The following CANX variants were observed in gnomAD, a reference collection of about 807,000 sequenced individuals.
The protein encoded by CANX is calnexin, also known as epididymis secretory sperm binding protein.
In CANX, 14 loss-of-function variants were observed where a neutral mutation model predicts 75.7. The observed-to-expected ratio is 0.19, with a 90% CI of 0.12 to 0.29. The LOEUF is 0.29. Ranked by LOEUF, CANX falls within the 10% of genes least tolerant of loss-of-function variation. The probability of loss-of-function intolerance (pLI) is 1.00; values close to 1 mark genes in which losing one functional copy is unlikely to be tolerated. For missense variants in CANX, 567 were observed against 713.2 expected, an observed-to-expected ratio of 0.79 and a Z score of 2.34; for synonymous variants, 227 against 236.9, an observed-to-expected ratio of 0.96 and a Z score of 0.38.
chr5:179,695,223 G>T (rs66902084), upstream of CANX, among the ~76,000 whole-genome samples: 29,906 of 151,534 alleles, frequency 0.2, 3,694 homozygotes, highest in Non-Finnish European at 0.28. Flanking sequence ...TAATTTTTTT[G>T]TGTGTGTGGT....
intron 8 of CANX, among the ~76,000 whole-genome samples, chr5:179,718,327 C>A (rs543117225): frequency 2.6e-5 from 4 of 152,000 alleles, no homozygotes; most frequent in Admixed American, 2.6e-4. Flanking sequence ...CAAGCGTGCA[C>A]CACTGCACTC....
chr5:179,683,697 C>A (rs1776130220), intron 1 of CANX, among the ~76,000 whole-genome samples: 1 of 151,542 alleles, frequency 6.6e-6, no homozygotes, highest in South Asian at 2.1e-4. Flanking sequence ...CCACACCCAG[C>A]TAATTTTTGT....
chr5:179,680,888 G>C, intron 1 of CANX: 1 of 1,536,852 alleles, frequency 6.5e-7, no homozygotes, highest in Non-Finnish European at 8.7e-7. Context: ...CCAAGATCTG[G>C]TTCAGGGAGA....
At chr5:179,715,892 T>C in intron 7 of CANX, 1 of 632,406 alleles carries the variant, frequency 1.6e-6, no homozygotes, top group Non-Finnish European at 2.9e-6. Flanking sequence ...TTTGCTGTAA[T>C]TCTTAGAAAG....
chr5:179,679,364 G>C (rs1581808107), intron 1 of CANX: 1 of 1,056,170 alleles, frequency 9.5e-7, no homozygotes, highest in East Asian at 2.6e-5. Context: ...CTACGGCTGC[G>C]GCTGTGTCTC....
At chr5:179,681,298 A>G (rs1035592818) in intron 1 of CANX, among the ~76,000 whole-genome samples, 1 of 152,206 alleles carries the variant, frequency 6.6e-6, no homozygotes, top group African/African-American at 2.4e-5. Context: ...AGTCCAAGAC[A>G]GGAATTTGTT....
intron 1 of CANX, among the ~76,000 whole-genome samples, chr5:179,701,956 G>T (rs376321939): frequency 2.1e-4 from 32 of 151,928 alleles, no homozygotes; most frequent in African/African-American, 6.0e-4. Flanking sequence ...GTCCAGGCTG[G>T]TTGCGAACTC....
intron 1 of CANX, among the ~76,000 whole-genome samples, chr5:179,691,445 G>A (rs949313080): frequency 2.0e-5 from 3 of 152,054 alleles, no homozygotes; most frequent in African/African-American, 2.4e-5. Flanking sequence ...AGTGCTTCAT[G>A]CCTGTAATCC....
chr5:179,682,476 C>T (rs1326330189), intron 1 of CANX, among the ~76,000 whole-genome samples: 1 of 151,470 alleles, frequency 6.6e-6, no homozygotes, highest in Non-Finnish European at 1.5e-5. Context: ...CTTGGGAGGC[C>T]GAGGCAGGCA....
In CANX at chr5:179,730,989, G is replaced by A. The variant is rs1016549410; in HGVS notation, c.*2345G>A. Reference sequence around the variant, plus strand: ...GTGTGTGTGACTATGTTCAATTAGTGGGTTGATCTTCGTATAATTGGCCAC... The same window carrying A: ...GTGTGTGTGACTATGTTCAATTAGTAGGTTGATCTTCGTATAATTGGCCAC... On this transcript the variant is annotated 3_prime_UTR_variant, in exon 15 of 15. Transcript: ENST00000247461. 39 of 152,318 alleles carry A rather than the reference G, an allele frequency of 2.6e-4. No homozygotes were observed. Among genetic ancestry groups the A allele is most frequent in the African/African-American group, 7.7e-4 (32 of 41,580 alleles). 9.4% of individuals were successfully genotyped at this position (152,318 alleles called of 1,614,324 possible). A position where few individuals can be genotyped will look rare whatever the true frequency, so the allele number is the denominator to read the frequency against.
chr5:179,710,568 C>T (rs1374080161), intron 7 of CANX, among the ~76,000 whole-genome samples: 5 of 149,906 alleles, frequency 3.3e-5, no homozygotes, highest in East Asian at 2.0e-4. Context: ...ATTAGCCGGG[C>T]GTGGTGGTGG....
intron 7 of CANX, 42 bp from the exon 8 acceptor site, chr5:179,716,063 G>C (rs747587964): frequency 3.6e-6 from 5 of 1,379,140 alleles, no homozygotes; most frequent in Non-Finnish European, 5.2e-6. Flanking sequence ...AAGGGAGCTT[G>C]GAAAATTAAG....
rs78613293 is a variant in CANX, at chr5:179,678,674, G to C, written c.-107G>C. On this transcript the variant is annotated 5_prime_UTR_variant, in exon 1 of 15. Transcript: ENST00000681674. ...CATCTTCCTCTGCCCGGCGCGCGCC[G>C]CAGCCGTCGGGATCACCTCGGGGTT... is the stretch of plus-strand genomic sequence containing the variant. The C allele has an allele frequency of 0.012, 18,211 of 1,535,612 alleles. 1,697 individuals carry two copies. The African/African-American group carries it at 0.21, about 18-fold the overall frequency.
chr5:179,705,494 T>C (rs1381926371), intron 1 of CANX, among the ~76,000 whole-genome samples, 185 bp from the exon 2 acceptor site: 2 of 152,238 alleles, frequency 1.3e-5, no homozygotes, highest in Non-Finnish European at 1.5e-5. Context: ...TGGAATCTTT[T>C]AACTGATTTT....
At chr5:179,686,038 A>G (rs935979131) in intron 1 of CANX, among the ~76,000 whole-genome samples, 17 of 151,644 alleles carry the variant, frequency 1.1e-4, no homozygotes, top group Admixed American at 1.1e-3. Flanking sequence ...CTAACAGCCA[A>G]TGCTATTAAG....
intron 11 of CANX, 123 bp from the exon 12 acceptor site, chr5:179,723,537 C>T: frequency 1.1e-6 from 1 of 907,840 alleles, no homozygotes; most frequent in South Asian, 1.9e-5. Flanking sequence ...ATTTTATGAG[C>T]ATTTTCTCTG....
chr5:179,718,855 G>C (rs1453146271), intron 8 of CANX, among the ~76,000 whole-genome samples: 1 of 152,010 alleles, frequency 6.6e-6, no homozygotes, highest in Non-Finnish European at 1.5e-5. Context: ...GGTAGAGACA[G>C]GGTGTCGTCA....
intron 7 of CANX, among the ~76,000 whole-genome samples, chr5:179,711,970 C>T (rs1043837533): frequency 3.4e-5 from 5 of 145,984 alleles, no homozygotes; most frequent in South Asian, 2.2e-4. Context: ...GGGTGGTGGG[C>T]GCCTATAATC....
At chr5:179,695,338 C>T (rs572775517), upstream of CANX, among the ~76,000 whole-genome samples, 1 of 149,932 alleles carries the variant, frequency 6.7e-6, no homozygotes, top group Admixed American at 6.7e-5. Context: ...GGATTACAGG[C>T]GTGAGTTTGA....
Sources: gnomAD v4.1 joint callset for allele counts (sites outside exome capture counted in the v4.1 genomes callset) on GRCh38, gnomAD v4.1.1 for gene constraint, MANE v1.5 for transcripts, NCBI Gene and HGNC (gene_info 2026-07-23, HGNC 2026-07-21) for gene names.